The following CUL9 variants were observed in gnomAD, a reference collection of about 807,000 sequenced individuals.
CUL9 encodes cullin-9.
CUL9 carries 79 observed loss-of-function variants against 272.6 expected under a neutral mutation model. That is an observed-to-expected ratio of 0.29 (90% CI 0.24 to 0.35). The LOEUF is 0.35. CUL9 is among the 10% of genes least tolerant of loss of function. The pLI is 1.00. For missense variants in CUL9, 2,532 were observed against 3,255.6 expected (o/e 0.78, Z 5.41); for synonymous variants, 1,186 against 1,286.5 (o/e 0.92, Z 1.67).
Position 43,224,439 on chromosome 6 carries a change from T to A in CUL9, c.7548T>A (p.Tyr2516Ter). 1 of 1,613,176 alleles carries A rather than the reference T, an allele frequency of 6.2e-7. No homozygotes were observed. The highest frequency in any genetic ancestry group is 8.5e-7 in the Non-Finnish European group (1 of 1,179,624). Residue 2516 changes from tyrosine (Y) to a stop codon, truncating the protein, a stop_gained, in exon 41 of 41, where the codon TAT (tyrosine) becomes TAA (stop). Coordinates refer to ENST00000252050, the MANE Select transcript of CUL9 (RefSeq NM_015089.4). LOFTEE classifies it high-confidence loss of function. The surrounding 1 kb of genome is among the most constrained non-coding windows in gnomAD (Gnocchi z 4.2). The part of the protein sequence containing the change: ...GDEEEDEDEA[Y>*]D ...AGGAAGAGGATGAAGATGAGGCCTA[T>A]GACTGAGGGGGCAGATGCAGGAAAC...
At chr6:43,207,828 G>T (rs934828629) in intron 26 of CUL9, among the ~76,000 whole-genome samples, 4 of 152,154 alleles carry the variant, frequency 2.6e-5, no homozygotes, top group African/African-American at 9.7e-5. Flanking sequence ...TGATTAAGAA[G>T]AATGTGTATT....
chr6:43,192,088 G>C (rs1344013510), intron 8 of CUL9, among the ~76,000 whole-genome samples: 3 of 141,386 alleles, frequency 2.1e-5, no homozygotes, highest in African/African-American at 8.4e-5. Flanking sequence ...TTGAGACAGG[G>C]TCTCACTCTG....
chr6:43,204,677 C>G lies in CUL9; in HGVS notation c.4340-71C>G, dbSNP rs1022363067. The G allele has an allele frequency of 2.0e-5, 32 of 1,586,250 alleles. No individual in the cohort carries two copies. In the African/African-American group the frequency reaches 2.8e-4, roughly 14 times the overall value. Reference sequence around the variant, plus strand: ...AGACCTACTGGCCTTTCCAGGAGATCACTACCCAAGACCGGTGTACTCACC... The same window carrying G: ...AGACCTACTGGCCTTTCCAGGAGATGACTACCCAAGACCGGTGTACTCACC... On this transcript the variant is annotated intron_variant, in intron 21 of 40. Coordinates refer to ENST00000252050, the MANE Select transcript of CUL9 (RefSeq NM_015089.4).
At chr6:43,185,646 G>A (rs1437421132) in intron 3 of CUL9, 36 bp downstream of exon 3, 3 of 1,585,100 alleles carry the variant, frequency 1.9e-6, no homozygotes, top group East Asian at 2.3e-5. Context: ...CTGTGTACAA[G>A]GGCTAAGACA....
At chr6:43,216,046 A>T in intron 30 of CUL9, 112 bp from the exon 31 acceptor site, 1 of 997,314 alleles carries the variant, frequency 1.0e-6, no homozygotes, top group Non-Finnish European at 1.5e-6. Flanking sequence ...GAGGCTGCTT[A>T]GGCAAGCGAG....
chr6:43,192,929 G>A (rs779786557), intron 8 of CUL9, 72 bp from the exon 9 acceptor site: 131 of 1,387,108 alleles, frequency 9.4e-5, no homozygotes, highest in Non-Finnish European at 1.2e-4. Flanking sequence ...CAGGGAGTCC[G>A]ACGGTGCCAT....
intron 4 of CUL9, 116 bp downstream of exon 4, chr6:43,186,571 G>GAGGCA: frequency 7.1e-7 from 1 of 1,402,420 alleles, no homozygotes. Context: ...CTGGGGAATT[G>GAGGCA]GAATGATACA....
chr6:43,220,827 C>T lies in CUL9; in HGVS notation c.6504C>T (p.Arg2168=). ...GCACCAACCCCCAGGGCTGCGACCGCATCCTGTGCCGCCAGGGCCTGGGCT... is the reference window on the plus strand; with the variant it reads ...GCACCAACCCCCAGGGCTGCGACCGTATCCTGTGCCGCCAGGGCCTGGGCT... ...TWCTNPQGCD[R]ILCRQGLGCG... Residue 2168 remains arginine, a synonymous_variant, in exon 33 of 41, where the codon CGC becomes CGT. Coordinates refer to ENST00000252050, the MANE Select transcript of CUL9 (RefSeq NM_015089.4). This position sits in a 1 kb window ranked among gnomAD's most constrained non-coding sequence, Gnocchi z 4.9. 6.2e-7 allele frequency: 1 copy of T among 1,613,738 alleles called. No homozygotes were observed. Among genetic ancestry groups the T allele is most frequent in the Non-Finnish European group, 8.5e-7 (1 of 1,179,996 alleles).
In CUL9 at chr6:43,193,009, T is replaced by C; in HGVS notation, c.2189T>C (p.Leu730Pro). The change falls in exon 9 of 41, where the codon CTA (leucine) becomes CCA (proline). Residue 730 changes from leucine (L) to proline (P), a missense_variant. Around this residue, in one of 3 missense-constraint regions of CUL9, gnomAD observed 2,218 missense variants for 2,788.6 expected, o/e 0.80. Coordinates refer to ENST00000252050, the MANE Select transcript of CUL9 (RefSeq NM_015089.4). ...ATCTCTTCTCTTGTCAGAGAGAAGC[T>C]AGTGAAGATGCTGGTGGAGCTGCTG... is the stretch of plus-strand genomic sequence containing the variant. ...VRPDRSLREK[L>P]VKMLVELLTN... 6.2e-7 allele frequency: 1 copy of C among 1,613,966 alleles called. No individual in the cohort carries two copies. Among genetic ancestry groups the C allele is most frequent in the East Asian group, 2.2e-5 (1 of 44,878 alleles).
At position 43,203,382 on chromosome 6, in the gene CUL9, G is replaced by A. The variant is rs372148587; in HGVS notation, c.3850-35G>A. The A allele has an allele frequency of 1.5e-5, 24 of 1,611,248 alleles. No homozygotes were observed. Among genetic ancestry groups the A allele is most frequent in the South Asian group, 2.2e-5 (2 of 90,740 alleles). ...TTTGGTAGTACTTAGTGGCTCAAGC[G>A]GCTTGGGTGACAGATAAGTCTGTGC... On this transcript the variant is annotated intron_variant, in intron 18 of 40. Coordinates refer to ENST00000252050, the MANE Select transcript of CUL9 (RefSeq NM_015089.4). The surrounding 1 kb of genome is among the most constrained non-coding windows in gnomAD (Gnocchi z 5.0).
At chr6:43,185,052 G>C in intron 2 of CUL9, 147 bp downstream of exon 2, 1 of 676,992 alleles carries the variant, frequency 1.5e-6, no homozygotes, top group South Asian at 2.0e-5. Context: ...AGATTAATAG[G>C]CTATTTCAGG....
chr6:43,215,473 A>G, intron 30 of CUL9, 147 bp downstream of exon 30: 1 of 1,189,482 alleles, frequency 8.4e-7, no homozygotes, highest in Non-Finnish European at 1.1e-6. Flanking sequence ...GGTAGTTTTT[A>G]TTGACCCTCC....
chr6:43,202,845 C>T, intron 17 of CUL9, 24 bp downstream of exon 17: 1 of 1,594,956 alleles, frequency 6.3e-7, no homozygotes, highest in Non-Finnish European at 8.6e-7. Flanking sequence ...TGCCCACCTT[C>T]ACCTTGCTCC....
Position 43,221,362 on chromosome 6 carries a change from G to T in CUL9, c.6752+41G>T, listed in dbSNP as rs140078520. On this transcript the variant is annotated intron_variant, in intron 34 of 40. Coordinates refer to ENST00000252050, the MANE Select transcript of CUL9 (RefSeq NM_015089.4). The surrounding 1 kb of genome is among the most constrained non-coding windows in gnomAD (Gnocchi z 4.2). ...CTGTGGGGAGCCAGAGGGCAAGGAG[G>T]GGGGAGGAGGCCTGGCAGAAGGAGG... 110 of 1,550,754 alleles carry T rather than the reference G, an allele frequency of 7.1e-5. No individual in the cohort carries two copies. The highest frequency in any genetic ancestry group is 2.6e-4 in the African/African-American group (19 of 72,466).
chr6:43,198,722 C>T lies in CUL9; in HGVS notation c.2917C>T (p.Arg973Cys), dbSNP rs749921624. ...CCTGGACTTGGAGCGTGTGCTGTGC[C>T]GTGAGGGCAGCCCCGGAGGTGCCGT... ...LLLDLERVLC[R>C]EGSPGGAVRP... is the part of the protein sequence containing the mutation. Residue 973 changes from arginine to cysteine, a missense_variant, in exon 12 of 41, where the codon CGT becomes TGT. Physicochemically the swap from Arg to Cys is radical, Grantham distance 180. This residue lies in a region of CUL9 where 2,218 missense variants were observed against 2,788.6 expected (regional missense o/e 0.80). Coordinates refer to ENST00000252050, the MANE Select transcript of CUL9 (RefSeq NM_015089.4). The T allele has an allele frequency of 2.0e-5, 32 of 1,614,034 alleles. No individual in the cohort carries two copies. The highest frequency in any genetic ancestry group is 5.3e-5 in the African/African-American group (4 of 74,928).
At chr6:43,214,422 GA>G (rs1340317282) in intron 29 of CUL9, among the ~76,000 whole-genome samples, 1 of 151,376 alleles carries the variant, frequency 6.6e-6, no homozygotes, top group Non-Finnish European at 1.5e-5. Flanking sequence ...GTCTCAAAAA[GA>G]AAAAAAGTCA....
rs371375735 is a variant in CUL9 at position 43,198,745 on chromosome 6, C to T, written c.2940C>T (p.Ala980=). 1.1e-5 allele frequency: 18 copies of T among 1,613,970 alleles called. No individual in the cohort carries two copies. Among genetic ancestry groups the T allele is most frequent in the African/African-American group, 4.0e-5 (3 of 74,910 alleles). ...GCCGTGAGGGCAGCCCCGGAGGTGC[C>T]GTGAGGCCCCTCCTCAAGCGCCTCC... ...VLCREGSPGG[A]VRPLLKRLQQ... The change falls in exon 12 of 41, where the codon GCC becomes GCT. Residue 980 remains alanine, a synonymous_variant. Transcript: ENST00000252050.
At chr6:43,194,733 C>T (rs1402006966) in intron 9 of CUL9, among the ~76,000 whole-genome samples, 1 of 152,060 alleles carries the variant, frequency 6.6e-6, no homozygotes, top group Non-Finnish European at 1.5e-5. Flanking sequence ...ATAGCAATTG[C>T]CATCCACTAT....
At position 43,223,021 on chromosome 6, in the gene CUL9, A is replaced by T; in HGVS notation, c.7150+125A>T. On this transcript the variant is annotated intron_variant, in intron 38 of 40. Coordinates refer to ENST00000252050, the MANE Select transcript of CUL9 (RefSeq NM_015089.4). The surrounding 1 kb of genome is among the most constrained non-coding windows in gnomAD (Gnocchi z 4.1). ...TCTCTCCTCTTCCTCTTCATTCTTCATGGCCTTCTCACTGCCTGGCTGTTA... is the reference window on the plus strand; with the variant it reads ...TCTCTCCTCTTCCTCTTCATTCTTCTTGGCCTTCTCACTGCCTGGCTGTTA... The T allele has an allele frequency of 1.1e-6, 1 of 933,236 alleles. No homozygotes were observed. The highest frequency in any genetic ancestry group is 1.7e-6 in the Non-Finnish European group (1 of 604,394). The allele number at this position is 933,236 out of a possible 1,614,324, so 57.8% of individuals were successfully genotyped here. A position where few individuals can be genotyped will look rare whatever the true frequency, so the allele number is the denominator to read the frequency against.
Sources: allele counts gnomAD v4.1 joint callset (sites outside exome capture counted in the v4.1 genomes callset), GRCh38; gene constraint gnomAD v4.1.1; regional missense constraint gnomAD v4.1.1; non-coding constraint Gnocchi (gnomAD v3.1); transcripts MANE v1.5; gene names NCBI Gene and HGNC (gene_info 2026-07-23, HGNC 2026-07-21).